Variants in CDYL observed in about 807,000 individuals in gnomAD.
CDYL encodes chromodomain Y like.
A neutral mutation model predicts 47.3 loss-of-function variants in CDYL; 8 were observed. The ratio of observed to expected loss-of-function variants is 0.17; its 90% CI spans 0.10 to 0.31. The LOEUF (loss-of-function observed/expected upper bound fraction) is 0.31, where lower values mean the gene tolerates loss of function less well. Among genes scored for constraint, CDYL ranks in the 10% least tolerant of loss-of-function variants. The pLI, the probability that CDYL is intolerant of heterozygous loss-of-function variation, is 1.00. For synonymous variants in CDYL, 266 were observed against 265.0 expected, an observed-to-expected ratio of 1.00 and a Z score of -0.04; for missense variants, 471 against 701.4, an observed-to-expected ratio of 0.67 and a Z score of 3.71.
intron 1 of CDYL, among the ~76,000 whole-genome samples, chr6:4,795,495 C>G (rs528105318): frequency 3.3e-5 from 5 of 152,086 alleles, no homozygotes; most frequent in Admixed American, 2.0e-4. Context: ...ATCATCTGAG[C>G]CTCTCTGCTG....
intron 4 of CDYL, among the ~76,000 whole-genome samples, chr6:4,942,184 G>T (rs577503510): frequency 2.0e-5 from 3 of 152,152 alleles, no homozygotes; most frequent in Non-Finnish European, 4.4e-5. Context: ...TCATTCATTT[G>T]AATGAGTTAA....
intron 2 of CDYL, among the ~76,000 whole-genome samples, chr6:4,933,293 A>G: frequency 6.6e-6 from 1 of 152,162 alleles, no homozygotes; most frequent in East Asian, 1.9e-4. Context: ...ACTTTGGGCT[A>G]TGCACATCTC....
At chr6:4,771,022 T>C (rs187006363) in intron 3 of CDYL, among the ~76,000 whole-genome samples, 1 of 152,280 alleles carries the variant, frequency 6.6e-6, no homozygotes, top group Non-Finnish European at 1.5e-5. Flanking sequence ...GGAAACAAAA[T>C]TTTACTACAC....
intron 2 of CDYL, among the ~76,000 whole-genome samples, chr6:4,728,626 C>T (rs532528294): frequency 4.4e-4 from 67 of 152,170 alleles, no homozygotes; most frequent in Non-Finnish European, 8.4e-4. Flanking sequence ...TGGACTCTTG[C>T]TTATTAAAGG....
chr6:4,884,116 A>ATG (rs1245023672), intron 1 of CDYL, among the ~76,000 whole-genome samples: 5 of 152,192 alleles, frequency 3.3e-5, no homozygotes, highest in African/African-American at 1.2e-4. Flanking sequence ...TCATTAATGG[A>ATG]TGATAGGATT....
intron 1 of CDYL, among the ~76,000 whole-genome samples, chr6:4,863,098 A>G (rs1761218808): frequency 6.6e-6 from 1 of 152,230 alleles, no homozygotes; most frequent in Non-Finnish European, 1.5e-5. Context: ...ATTAATGCAG[A>G]AACAGAAAAT....
intron 1 of CDYL, among the ~76,000 whole-genome samples, chr6:4,800,594 C>G (rs1399714467): frequency 6.6e-6 from 1 of 152,110 alleles, no homozygotes; most frequent in East Asian, 1.9e-4. Context: ...AGAGATCTTT[C>G]TTTAGCATTT....
intron 2 of CDYL, among the ~76,000 whole-genome samples, chr6:4,915,090 C>CATA (rs1187374554): frequency 6.6e-6 from 1 of 152,216 alleles, no homozygotes; most frequent in Non-Finnish European, 1.5e-5. Context: ...TGTTGTTAGG[C>CATA]ATAACCACAG....
intron 1 of CDYL, among the ~76,000 whole-genome samples, chr6:4,816,453 T>C (rs1254354311): frequency 3.3e-5 from 5 of 151,846 alleles, no homozygotes; most frequent in Non-Finnish European, 5.9e-5. Flanking sequence ...TTGCAGATAT[T>C]GTTACAGAAG....
chr6:4,771,127 C>T lies in CDYL; in HGVS notation c.186+36283C>T, dbSNP rs190463793. On this transcript the variant is annotated intron_variant, in intron 3 of 8. Transcript: ENST00000328908. Reference sequence around the variant, plus strand: ...AGAGAATTTGCACTTTTTTTTTTGGCGGGGGGGATGGAGTCTTGCTCTGCC... The same window carrying T: ...AGAGAATTTGCACTTTTTTTTTTGGTGGGGGGGATGGAGTCTTGCTCTGCC... Among the ~76,000 whole-genome samples the T allele has an allele frequency of 2.9e-3, 444 of 150,606 alleles. 1 individual carries two copies. Among genetic ancestry groups the T allele is most frequent in the Non-Finnish European group, 3.9e-3 (261 of 67,628 alleles).
At chr6:4,932,698 C>T (rs1758066303) in intron 2 of CDYL, among the ~76,000 whole-genome samples, 1 of 152,336 alleles carries the variant, frequency 6.6e-6, no homozygotes, top group South Asian at 2.1e-4. Flanking sequence ...AGAGTCTCCA[C>T]GTCTGTCTCC....
intron 1 of CDYL, among the ~76,000 whole-genome samples, chr6:4,825,023 A>C (rs1425910320): frequency 6.6e-6 from 1 of 152,100 alleles, no homozygotes; most frequent in Non-Finnish European, 1.5e-5. Flanking sequence ...GGTGCCCACC[A>C]CCAAGCCCAG....
At chr6:4,926,909 G>C (rs1316111317) in intron 2 of CDYL, among the ~76,000 whole-genome samples, 6 of 152,172 alleles carry the variant, frequency 3.9e-5, no homozygotes, top group African/African-American at 1.4e-4. Context: ...CACCTTTCAG[G>C]TGTGCTGCAG....
chr6:4,924,286 T>A (rs1037410274), intron 2 of CDYL, among the ~76,000 whole-genome samples: 8 of 152,214 alleles, frequency 5.3e-5, no homozygotes, highest in Non-Finnish European at 8.8e-5. Flanking sequence ...TCATTTTAAT[T>A]GCAGGAACCT....
intron 1 of CDYL, among the ~76,000 whole-genome samples, chr6:4,787,598 G>T (rs2127433164): frequency 6.6e-6 from 1 of 152,002 alleles, no homozygotes; most frequent in East Asian, 1.9e-4. Flanking sequence ...GACACATTCA[G>T]CTTGCCCAGG....
intron 3 of CDYL, among the ~76,000 whole-genome samples, chr6:4,758,727 A>G (rs1160752518): frequency 2.0e-5 from 3 of 152,194 alleles, no homozygotes; most frequent in East Asian, 1.9e-4. Flanking sequence ...AAACCCTATA[A>G]TTCTAGAGAA....
chr6:4,770,786 A>T (rs567023457), intron 3 of CDYL, among the ~76,000 whole-genome samples: 1 of 152,234 alleles, frequency 6.6e-6, no homozygotes, highest in Non-Finnish European at 1.5e-5. Context: ...TCATTAAATC[A>T]TTTAAGAAAA....
chr6:4,819,115 GTTCTCTCTCT>G (rs1218649283), intron 1 of CDYL, among the ~76,000 whole-genome samples: 5 of 37,304 alleles, frequency 1.3e-4, no homozygotes, highest in African/African-American at 4.1e-4. Context: ...TTTTAGGTTC[GTTCTCTCTCT>G]CTCTCTCTCT....
chr6:4,947,627 G>T (rs1468800618), intron 5 of CDYL, among the ~76,000 whole-genome samples: 2 of 150,618 alleles, frequency 1.3e-5, no homozygotes, highest in Non-Finnish European at 3.0e-5. Flanking sequence ...CAGCTGGGGA[G>T]CCGTGCAGTT....
Sources: allele counts gnomAD v4.1 joint callset (sites outside exome capture counted in the v4.1 genomes callset), GRCh38; gene constraint gnomAD v4.1.1; transcripts MANE v1.5; gene names NCBI Gene and HGNC (gene_info 2026-07-23, HGNC 2026-07-21).